The following DPP6 variants were observed in gnomAD, a reference collection of about 807,000 sequenced individuals.
DPP6 encodes the protein dipeptidyl peptidase like 6, also known as A-type potassium channel modulatory protein DPP6.
Under a neutral mutation model 122.6 loss-of-function variants are expected in DPP6, and 69 were observed. That is an observed-to-expected ratio of 0.56 (90% CI 0.46 to 0.69). The LOEUF is 0.69. DPP6 is among the 30% of genes least tolerant of loss of function. The pLI, the probability that DPP6 is intolerant of heterozygous loss-of-function variation, is 0.00. For synonymous variants in DPP6, 418 were observed against 433.1 expected (o/e 0.97, Z 0.43); for missense variants, 928 against 1,116.9 (o/e 0.83, Z 2.41).
chr7:154,197,539 G>C (rs1798932055), intron 1 of DPP6, among the ~76,000 whole-genome samples: 1 of 152,116 alleles, frequency 6.6e-6, no homozygotes, highest in Non-Finnish European at 1.5e-5. Context: ...CAAACAAGAG[G>C]TAGTCCAGCT....
At chr7:153,878,829 T>A in the DPP6 span, among the ~76,000 whole-genome samples, 2 of 151,984 alleles carry the variant, frequency 1.3e-5, no homozygotes, top group African/African-American at 2.4e-5. Flanking sequence ...AGGAGAGTAT[T>A]TAAGGTAAAG....
At chr7:154,884,071 T>TACACATGCTCACACATGCTCACCC (rs1563324205) in intron 21 of DPP6, 7 of 113,242 alleles carry the variant, frequency 6.2e-5, no homozygotes, top group East Asian at 6.3e-4. Flanking sequence ...TGCTCACCCA[T>TACACATGCTCACACATGCTCACCC]ACACATGCTC....
chr7:154,801,208 G>C (rs1042384030), intron 12 of DPP6, 147 bp from the exon 13 acceptor site: 1 of 1,106,128 alleles, frequency 9.0e-7, no homozygotes, highest in Admixed American at 2.7e-5. Flanking sequence ...GGAAAGTGAC[G>C]GCCTCATCAA....
chr7:154,428,622 G>C (rs1344573680), intron 1 of DPP6, among the ~76,000 whole-genome samples: 1 of 152,166 alleles, frequency 6.6e-6, no homozygotes, highest in Non-Finnish European at 1.5e-5. Flanking sequence ...CCAATGAGTG[G>C]ATAAGGAAGA....
chr7:154,883,129 A>G (rs1313480013), intron 21 of DPP6, among the ~76,000 whole-genome samples: 1 of 150,466 alleles, frequency 6.6e-6, no homozygotes, highest in Non-Finnish European at 1.5e-5. Context: ...GCTCACACAT[A>G]CACACACATG....
rs960873172 is a variant in DPP6, at chr7:154,224,254, G to A, written c.243+171191G>A. Among the ~76,000 whole-genome samples, 8 of 148,826 alleles carry A rather than the reference G, an allele frequency of 5.4e-5. 2 individuals are homozygous for A. Among genetic ancestry groups the A allele is most frequent in the African/African-American group, 1.3e-4 (5 of 38,904 alleles). ...AGGAGAATAGCTTCAACTTGGAGGC[G>A]GACATTGCAGTGAGCTGAGATTGCG... On this transcript the variant is annotated intron_variant, in intron 1 of 25. Transcript: ENST00000377770.
intron 17 of DPP6, among the ~76,000 whole-genome samples, chr7:154,867,298 C>T (rs1473409428): frequency 1.3e-5 from 2 of 152,176 alleles, no homozygotes; most frequent in Admixed American, 6.5e-5. Flanking sequence ...GACTTCTTTG[C>T]ATCTGAAGAA....
At chr7:153,922,515 C>G (rs2129009109) in intron 1 of DPP6, among the ~76,000 whole-genome samples, 1 of 152,228 alleles carries the variant, frequency 6.6e-6, no homozygotes. Flanking sequence ...CAAGATGAAG[C>G]AAAATGATAA....
chr7:154,768,783 A>G (rs905077404), intron 8 of DPP6, among the ~76,000 whole-genome samples: 6 of 152,200 alleles, frequency 3.9e-5, no homozygotes, highest in African/African-American at 1.2e-4. Flanking sequence ...CCTTCTGAAG[A>G]TGGATCCATT....
chr7:154,713,708 C>T (rs1353403966), intron 7 of DPP6, among the ~76,000 whole-genome samples: 1 of 152,162 alleles, frequency 6.6e-6, no homozygotes, highest in Non-Finnish European at 1.5e-5. Flanking sequence ...TGGGTCCAGG[C>T]CAGGAAAACT....
chr7:154,492,953 T>TA (rs1366391537), intron 3 of DPP6, among the ~76,000 whole-genome samples: 1 of 152,156 alleles, frequency 6.6e-6, no homozygotes, highest in Non-Finnish European at 1.5e-5. Context: ...AAACAGTCAG[T>TA]AAAAATCCAC....
upstream of DPP6, among the ~76,000 whole-genome samples, chr7:154,050,137 A>G (rs1397800822): frequency 4.6e-5 from 7 of 152,206 alleles, no homozygotes; most frequent in Non-Finnish European, 8.8e-5. Flanking sequence ...TCCCAGCACA[A>G]ATTTTTACTT....
chr7:153,915,377 A>T (rs920983796), intron 1 of DPP6, among the ~76,000 whole-genome samples: 1 of 152,150 alleles, frequency 6.6e-6, no homozygotes, highest in African/African-American at 2.4e-5. Flanking sequence ...CCTCTGGATC[A>T]TGGTGCAACT....
chr7:153,821,190 C>A, the DPP6 span, among the ~76,000 whole-genome samples: 2 of 151,822 alleles, frequency 1.3e-5, no homozygotes, highest in African/African-American at 4.8e-5. Flanking sequence ...AAATTAAATC[C>A]AAGGACAGAG....
intron 1 of DPP6, among the ~76,000 whole-genome samples, chr7:154,172,661 T>G (rs1585547885): frequency 6.6e-6 from 1 of 151,078 alleles, no homozygotes; most frequent in Non-Finnish European, 1.5e-5. Context: ...ACTGCAGTGG[T>G]GCCATCACAG....
At chr7:153,891,413 C>G (rs1799198189) in intron 1 of DPP6, among the ~76,000 whole-genome samples, 1 of 152,152 alleles carries the variant, frequency 6.6e-6, no homozygotes. Flanking sequence ...CATATTCAAT[C>G]TGTAATTTAA....
In DPP6 at chr7:154,276,969, G is replaced by A. The variant is rs116897264; in HGVS notation, c.244-169245G>A. ...GCACATCACGGTATTCTTGTGCTTG[G>A]GAACCCTACACAGCACTTCAGCACG... On this transcript the variant is annotated intron_variant, in intron 1 of 25. Transcript: ENST00000377770. 3.4e-4 allele frequency among the ~76,000 whole-genome samples: 51 copies of A among 152,172 alleles called. No individual in the cohort carries two copies. The East Asian group carries it at 9.1e-3, about 27-fold the overall frequency.
intron 1 of DPP6, among the ~76,000 whole-genome samples, chr7:154,148,768 C>T (rs1796254004): frequency 6.6e-6 from 1 of 152,382 alleles, no homozygotes; most frequent in Middle Eastern, 3.4e-3. Context: ...GCCTCATCCC[C>T]ATCGCTCTTA....
intron 17 of DPP6, among the ~76,000 whole-genome samples, chr7:154,862,883 G>A (rs1803528588): frequency 6.6e-6 from 1 of 152,242 alleles, no homozygotes; most frequent in Admixed American, 6.5e-5. Context: ...GTGTCAGACT[G>A]ACTCTAACAA....
Sources: gnomAD v4.1 joint callset for allele counts (sites outside exome capture counted in the v4.1 genomes callset) on GRCh38, gnomAD v4.1.1 for gene constraint, MANE v1.5 for transcripts, NCBI Gene and HGNC (gene_info 2026-07-23, HGNC 2026-07-21) for gene names.